RIMS2: variants seen among roughly 807,000 people sequenced by gnomAD.
RIMS2 encodes regulating synaptic membrane exocytosis 2, also known as regulating synaptic membrane exocytosis protein 2.
RIMS2 carries 59 observed loss-of-function variants against 174.4 expected under a neutral mutation model. The observed-to-expected ratio is 0.34, with a 90% CI of 0.27 to 0.42. The LOEUF (loss-of-function observed/expected upper bound fraction) is 0.42. Among genes scored for constraint, RIMS2 ranks in the 10% least tolerant of loss-of-function variants. The probability of loss-of-function intolerance (pLI) is 1.00; values close to 1 mark genes in which losing one functional copy is unlikely to be tolerated. For synonymous variants in RIMS2, 606 were observed against 572.5 expected (o/e 1.06, Z -0.84); for missense variants, 1,620 against 1,666.3 (o/e 0.97, Z 0.48).
intron 3 of RIMS2, among the ~76,000 whole-genome samples, chr8:103,795,970 C>A (rs1163743609): frequency 2.0e-5 from 3 of 152,256 alleles, no homozygotes; most frequent in East Asian, 3.9e-4. Context: ...CATCCCCTAG[C>A]CCATCTTATT....
chr8:103,675,796 G>C (rs1018630017), intron 1 of RIMS2, among the ~76,000 whole-genome samples: 2 of 151,866 alleles, frequency 1.3e-5, no homozygotes, highest in African/African-American at 4.8e-5. Flanking sequence ...CAGACATACA[G>C]ACACTCAGAC....
chr8:103,780,700 G>C (rs1215747780), intron 3 of RIMS2, among the ~76,000 whole-genome samples: 8 of 151,970 alleles, frequency 5.3e-5, no homozygotes. Flanking sequence ...TTTTATGTGA[G>C]AGAGCTCACA....
rs138524827 is a variant in RIMS2 at position 103,634,538 on chromosome 8, T to C, written c.177-62548T>C. Among the ~76,000 whole-genome samples, 596 of 152,332 alleles carry C rather than the reference T, an allele frequency of 3.9e-3. 3 individuals are homozygous for C. Among genetic ancestry groups the C allele is most frequent in the African/African-American group, 0.014 (568 of 41,566 alleles). On this transcript the variant is annotated intron_variant, in intron 1 of 23. Coordinates refer to ENST00000504942, the Ensembl canonical transcript of RIMS2. ...CTTCTGTAAAGGTTTATCAGATCCA[T>C]TTGGTACAATGCTGAGTTCGGGTTC...
Position 104,177,548 on chromosome 8 carries a change from T to C in RIMS2, c.3335-67368T>C, listed in dbSNP as rs75524822. On this transcript the variant is annotated intron_variant, in intron 19 of 23. Transcript: ENST00000504942. ...TTCATAACATAAACAATTACAAAAG[T>C]AAAATAAATTTAAACGCTTAAATGT... is the stretch of plus-strand genomic sequence containing the variant. Among the ~76,000 whole-genome samples the C allele has an allele frequency of 5.6e-3, 857 of 152,252 alleles. 6 individuals are homozygous for C. Among genetic ancestry groups the C allele is most frequent in the African/African-American group, 0.019 (793 of 41,548 alleles).
At chr8:103,723,708 G>A (rs2097486382) in intron 2 of RIMS2, among the ~76,000 whole-genome samples, 1 of 152,220 alleles carries the variant, frequency 6.6e-6, no homozygotes, top group Non-Finnish European at 1.5e-5. Flanking sequence ...GTCTGAGGCT[G>A]TGGGCGCTAG....
intron 1 of RIMS2, among the ~76,000 whole-genome samples, chr8:103,677,027 G>A (rs1027157981): frequency 3.3e-5 from 5 of 152,042 alleles, no homozygotes; most frequent in Non-Finnish European, 5.9e-5. Context: ...TCATTCATTT[G>A]GAATGTTTCA....
intron 19 of RIMS2, among the ~76,000 whole-genome samples, chr8:104,050,823 C>T (rs995363525): frequency 3.3e-5 from 5 of 152,154 alleles, no homozygotes; most frequent in South Asian, 4.1e-4. Context: ...TAAATATTAA[C>T]ATGTAACAAT....
At chr8:104,017,141 A>G (rs1274688853) in intron 19 of RIMS2, among the ~76,000 whole-genome samples, 1 of 151,030 alleles carries the variant, frequency 6.6e-6, no homozygotes, top group Non-Finnish European at 1.5e-5. Context: ...TTTTTTTTTT[A>G]GTTTTAAAGA....
intron 19 of RIMS2, chr8:104,015,288 A>G: frequency 2.1e-6 from 1 of 472,396 alleles, no homozygotes; most frequent in Admixed American, 4.0e-5. Flanking sequence ...ATAAGTTTAA[A>G]TCATTTAACT....
intron 1 of RIMS2, among the ~76,000 whole-genome samples, chr8:103,646,211 G>C (rs1405036463): frequency 6.6e-6 from 1 of 152,138 alleles, no homozygotes; most frequent in East Asian, 1.9e-4. Context: ...ATCTGGATGT[G>C]TAGGAGCAGG....
At chr8:103,624,419 TCTGA>T (rs957403349) in intron 1 of RIMS2, among the ~76,000 whole-genome samples, 2 of 152,176 alleles carry the variant, frequency 1.3e-5, no homozygotes, top group African/African-American at 4.8e-5. Flanking sequence ...ACCTTCAGAC[TCTGA>T]CTGAGTTACA....
At chr8:103,620,134 T>A (rs375495734) in intron 1 of RIMS2, among the ~76,000 whole-genome samples, 137 of 152,244 alleles carry the variant, frequency 9.0e-4, no homozygotes, top group African/African-American at 3.2e-3. Flanking sequence ...AATAAAGTGG[T>A]TGTCAATGAA....
chr8:104,122,417 G>T (rs904630988), intron 19 of RIMS2, among the ~76,000 whole-genome samples: 1 of 152,108 alleles, frequency 6.6e-6, no homozygotes, highest in Non-Finnish European at 1.5e-5. Flanking sequence ...GGCTGGAGGG[G>T]TGATCTTATA....
exon 1 of RIMS2, chr8:103,501,036 AGAG>A (rs774812254): frequency 1.4e-5 from 22 of 1,609,536 alleles, no homozygotes; most frequent in Admixed American, 6.7e-5. Flanking sequence ...AGAAGAAAGA[AGAG>A]GAGAAGGAGC....
intron 19 of RIMS2, among the ~76,000 whole-genome samples, chr8:104,195,514 CTTTTTT>C (rs34923122): frequency 1.8e-5 from 2 of 111,780 alleles, no homozygotes; most frequent in Admixed American, 8.7e-5. Context: ...ATTTTATCTC[CTTTTTT>C]TTTTTTTTTT....
chr8:103,966,245 G>A (rs1029223800), intron 15 of RIMS2, among the ~76,000 whole-genome samples: 6 of 151,986 alleles, frequency 3.9e-5, no homozygotes, highest in African/African-American at 1.2e-4. Flanking sequence ...CCAGTGAATC[G>A]ATCTAAACTG....
intron 1 of RIMS2, among the ~76,000 whole-genome samples, chr8:103,584,849 CA>C (rs1239811301): frequency 2.0e-5 from 3 of 152,064 alleles, no homozygotes; most frequent in Non-Finnish European, 4.4e-5. Context: ...AACCAGACAA[CA>C]AATTTAAAAA....
intron 19 of RIMS2, among the ~76,000 whole-genome samples, chr8:104,089,750 C>G (rs1156975277): frequency 6.6e-6 from 1 of 151,690 alleles, no homozygotes; most frequent in Non-Finnish European, 1.5e-5. Flanking sequence ...ATAAACTGTT[C>G]CATTCAGTGT....
intron 1 of RIMS2, among the ~76,000 whole-genome samples, chr8:103,558,338 C>T (rs112504315): frequency 8.9e-4 from 136 of 152,254 alleles, no homozygotes; most frequent in African/African-American, 3.1e-3. Context: ...GATTCTTGAG[C>T]CTCAGCCTCC....
Sources: gnomAD v4.1 joint callset for allele counts (sites outside exome capture counted in the v4.1 genomes callset) on GRCh38, gnomAD v4.1.1 for gene constraint, MANE v1.5 for transcripts, NCBI Gene and HGNC (gene_info 2026-07-23, HGNC 2026-07-21) for gene names.